Variants in GRK7 observed in about 807,000 individuals in gnomAD.
GRK7 encodes the protein G protein-coupled receptor kinase 7.
Under a neutral mutation model 34.1 loss-of-function variants are expected in GRK7, and 24 were observed. The observed-to-expected ratio is 0.70, with a 90% CI of 0.51 to 0.99. The LOEUF (loss-of-function observed/expected upper bound fraction) is 0.99, where lower values mean the gene tolerates loss of function less well. Among genes scored for constraint, GRK7 ranks in the 50% least tolerant of loss-of-function variants. The pLI is 0.00. For missense variants in GRK7, 644 were observed against 707.3 expected, an observed-to-expected ratio of 0.91 and a Z score of 1.02; for synonymous variants, 256 against 279.4, an observed-to-expected ratio of 0.92 and a Z score of 0.84.
intron 1 of GRK7, among the ~76,000 whole-genome samples, chr3:141,768,049 A>G (rs898685293): frequency 2.0e-5 from 3 of 152,152 alleles, no homozygotes; most frequent in Non-Finnish European, 4.4e-5. Flanking sequence ...TAGAAAATGA[A>G]TTGTTCATTC....
At position 141,765,068 on chromosome 3, in the gene GRK7, G is replaced by A. The variant is rs1179688733; in HGVS notation, c.-885G>A. Among the ~76,000 whole-genome samples the A allele has an allele frequency of 6.6e-6, 1 of 152,188 alleles. No individual in the cohort carries two copies. Among genetic ancestry groups the A allele is most frequent in the African/African-American group, 2.4e-5 (1 of 41,448 alleles). ...TCCATCTGATTGTTGAAAACTTCCAGTGGCTTTCCATCTCACTCAGAAGGA... is the reference window on the plus strand; with the variant it reads ...TCCATCTGATTGTTGAAAACTTCCAATGGCTTTCCATCTCACTCAGAAGGA... On this transcript the variant is annotated 5_prime_UTR_variant, in exon 1 of 6. It adds an upstream start codon to the 5' untranslated region. Coordinates refer to ENST00000682958, the MANE Select transcript of GRK7 (RefSeq NM_139209.3).
rs1170317891 is a variant in GRK7, at chr3:141,780,550, T to C, written c.789T>C (p.His263=). ...SLAYAFESKT[H]LCLVMSLMNG... ...CCTATGCCTTTGAGAGCAAGACCCA[T>C]CTCTGCCTTGTCATGAGCCTGATGA... The change falls in exon 4 of 6, where the codon CAT becomes CAC. Residue 263 remains histidine, a synonymous_variant. Coordinates refer to ENST00000682958, the MANE Select transcript of GRK7 (RefSeq NM_139209.3). The C allele has an allele frequency of 1.9e-6, 3 of 1,614,184 alleles. No individual in the cohort carries two copies. Among genetic ancestry groups the C allele is most frequent in the East Asian group, 2.2e-5 (1 of 44,884 alleles).
Position 141,778,278 on chromosome 3 carries a change from C to A in GRK7, c.-7C>A. On this transcript the variant is annotated 5_prime_UTR_variant, in exon 3 of 6. Coordinates refer to ENST00000682958, the MANE Select transcript of GRK7 (RefSeq NM_139209.3). The surrounding 1 kb of genome is among the most constrained non-coding windows in gnomAD (Gnocchi z 4.1). Reference sequence around the variant, plus strand: ...GCTTTCCCTGGGAGTGCGCCCCGTGCTCAGCCATGGTGGACATGGGGGCCC... The same window carrying A: ...GCTTTCCCTGGGAGTGCGCCCCGTGATCAGCCATGGTGGACATGGGGGCCC... The A allele has an allele frequency of 6.4e-7, 1 of 1,550,764 alleles. No individual in the cohort carries two copies. The highest frequency in any genetic ancestry group is 1.9e-5 in the Admixed American group (1 of 52,340).
intron 2 of GRK7, among the ~76,000 whole-genome samples, chr3:141,775,820 C>T (rs2084636332): frequency 6.6e-6 from 1 of 151,450 alleles, no homozygotes; most frequent in Non-Finnish European, 1.5e-5. Context: ...AATGTAGTTG[C>T]TAGAAAATTT....
chr3:141,779,911 T>G (rs947140607), intron 3 of GRK7, among the ~76,000 whole-genome samples: 1 of 152,270 alleles, frequency 6.6e-6, no homozygotes, highest in Non-Finnish European at 1.5e-5. Flanking sequence ...CATGTAGCCA[T>G]TCATCTGTTG....
At chr3:141,762,263 TTGA>T (rs1267261970), upstream of GRK7, among the ~76,000 whole-genome samples, 1 of 152,048 alleles carries the variant, frequency 6.6e-6, no homozygotes, top group Admixed American at 6.5e-5. Context: ...ACTTTTGGTC[TTGA>T]TGATGGTGAT....
intron 4 of GRK7, among the ~76,000 whole-genome samples, chr3:141,790,196 T>G (rs995812728): frequency 4.6e-5 from 7 of 152,120 alleles, no homozygotes; most frequent in Admixed American, 2.0e-4. Flanking sequence ...AGAGACAGGG[T>G]TTCACCGAGT....
At chr3:141,795,923 AG>A (rs1276960039) in intron 4 of GRK7, among the ~76,000 whole-genome samples, 1 of 152,124 alleles carries the variant, frequency 6.6e-6, no homozygotes, top group African/African-American at 2.4e-5. Context: ...AGGCTGGGCC[AG>A]GGGGTCTGCA....
In GRK7 at chr3:141,802,506, C is replaced by T. The variant is rs145784459; in HGVS notation, c.1051-5139C>T. ...AGCACCGTGGATGAAAAAAGCCCCA[C>T]ATCAAAGTATGTCCTTGAGAAATTT... On this transcript the variant is annotated intron_variant, in intron 4 of 5. Coordinates refer to ENST00000682958, the MANE Select transcript of GRK7 (RefSeq NM_139209.3). Among the ~76,000 whole-genome samples the T allele has an allele frequency of 4.0e-4, 61 of 152,272 alleles. 1 individual carries two copies. In the South Asian group the frequency reaches 0.01, roughly 25 times the overall value.
chr3:141,766,289 G>A (rs1400166657), intron 1 of GRK7, among the ~76,000 whole-genome samples: 11 of 151,856 alleles, frequency 7.2e-5, no homozygotes, highest in East Asian at 3.9e-4. Flanking sequence ...TCAGCCTCCC[G>A]AGTAGCTGGG....
At chr3:141,815,812 G>A (rs1711146813) in intron 5 of GRK7, among the ~76,000 whole-genome samples, 1 of 151,824 alleles carries the variant, frequency 6.6e-6, no homozygotes, top group African/African-American at 2.4e-5. Context: ...ATGGAGGCTT[G>A]ACAATAACCA....
rs1042599382 is a variant in GRK7 at position 141,811,332 on chromosome 3, A to G, written c.1325+3413A>G. 1.1e-4 allele frequency among the ~76,000 whole-genome samples: 16 copies of G among 152,242 alleles called. No individual in the cohort carries two copies. In the South Asian group the frequency reaches 2.9e-3, roughly 28 times the overall value. On this transcript the variant is annotated intron_variant, in intron 5 of 5. Transcript: ENST00000682958. ...AAACTCTGTCTCAAAAAAAAATTAA[A>G]AAAACAAAAATAAAATAAAATATAT...
intron 5 of GRK7, among the ~76,000 whole-genome samples, chr3:141,815,097 T>C (rs1711137235): frequency 6.6e-6 from 1 of 151,998 alleles, no homozygotes; most frequent in African/African-American, 2.4e-5. Context: ...TCTAATTTTT[T>C]GTATTTTAGT....
At chr3:141,807,503 T>C in intron 4 of GRK7, 142 bp from the exon 5 acceptor site, 1 of 752,230 alleles carries the variant, frequency 1.3e-6, no homozygotes. Context: ...GTTAGACACA[T>C]TGCCACCCCA....
intron 4 of GRK7, among the ~76,000 whole-genome samples, chr3:141,801,326 AAAAAAAAAG>A (rs1378354281): frequency 2.3e-4 from 34 of 150,696 alleles, no homozygotes; most frequent in African/African-American, 7.3e-4. Flanking sequence ...AAAAAAAAAA[AAAAAAAAAG>A]AAATGCAAAG....
chr3:141,783,901 C>T (rs770749463), intron 4 of GRK7, among the ~76,000 whole-genome samples: 4 of 152,102 alleles, frequency 2.6e-5, no homozygotes, highest in Non-Finnish European at 5.9e-5. Flanking sequence ...TTGGGACATT[C>T]CTATGAACAC....
chr3:141,795,791 T>A (rs1423542138), intron 4 of GRK7, among the ~76,000 whole-genome samples: 1 of 149,836 alleles, frequency 6.7e-6, no homozygotes, highest in Non-Finnish European at 1.5e-5. Context: ...AAAAAAAAAA[T>A]AGCCTTGGAA....
chr3:141,762,610 A>T (rs1184434079), upstream of GRK7, among the ~76,000 whole-genome samples: 1 of 151,864 alleles, frequency 6.6e-6, no homozygotes. Context: ...CTACGGAGGC[A>T]GGCAGGCCTC....
chr3:141,812,176 T>C (rs1171762904), intron 5 of GRK7, among the ~76,000 whole-genome samples: 2 of 152,174 alleles, frequency 1.3e-5, no homozygotes, highest in Non-Finnish European at 2.9e-5. Context: ...TCCATTGTAA[T>C]CTCTGTGTGG....
Sources: gnomAD v4.1 joint callset for allele counts (sites outside exome capture counted in the v4.1 genomes callset) on GRCh38, gnomAD v4.1.1 for gene constraint, Gnocchi (gnomAD v3.1) non-coding constraint, MANE v1.5 for transcripts, NCBI Gene and HGNC (gene_info 2026-07-23, HGNC 2026-07-21) for gene names.